The following EXOC4 variants were observed in gnomAD, a reference collection of about 807,000 sequenced individuals.
EXOC4 encodes SEC8-like 1.
EXOC4 carries 71 observed loss-of-function variants against 107.2 expected under a neutral mutation model. The observed-to-expected ratio is 0.66, with a 90% confidence interval of 0.55 to 0.81. EXOC4 has a LOEUF of 0.81. Ranked by LOEUF, EXOC4 falls within the 30% of genes least tolerant of loss-of-function variation. The pLI is 0.00. For missense variants in EXOC4, 1,108 were observed against 1,189.6 expected (o/e 0.93, Z 1.01); for synonymous variants, 456 against 441.2 (o/e 1.03, Z -0.42).
At chr7:133,408,107 A>G (rs1012836807) in intron 7 of EXOC4, among the ~76,000 whole-genome samples, 1 of 151,822 alleles carries the variant, frequency 6.6e-6, no homozygotes, top group Non-Finnish European at 1.5e-5. Flanking sequence ...GACGGTAGCC[A>G]TGGTAGAGAT....
intron 7 of EXOC4, among the ~76,000 whole-genome samples, chr7:133,378,708 G>A (rs1398514039): frequency 1.3e-5 from 2 of 151,966 alleles, no homozygotes; most frequent in African/African-American, 4.8e-5. Flanking sequence ...AGATAGATAC[G>A]TAGCTGAGAA....
In EXOC4 at chr7:133,997,560, A is replaced by ACT. The variant is rs1393750857; in HGVS notation, c.2279_2280dup (p.Glu762ValfsTer22). On this transcript the variant is annotated frameshift_variant, in exon 15 of 18. Coordinates refer to ENST00000253861, the MANE Select transcript of EXOC4 (RefSeq NM_021807.4). LOFTEE classifies it high-confidence loss of function. Reference sequence around the variant, plus strand: ...CCCAGTGTCAGAGCAGATCATGCAGACTCTCAGTGAACTTGCCAAATCGTT... The same window carrying ACT: ...CCCAGTGTCAGAGCAGATCATGCAGACTCTCTCAGTGAACTTGCCAAATCGTT... The ACT allele has an allele frequency of 6.2e-7, 1 of 1,613,594 alleles. No homozygotes were observed. Among genetic ancestry groups the ACT allele is most frequent in the Admixed American group, 1.7e-5 (1 of 59,928 alleles).
chr7:134,077,843 C>T, the EXOC4 span, among the ~76,000 whole-genome samples: 1 of 152,234 alleles, frequency 6.6e-6, no homozygotes, highest in Non-Finnish European at 1.5e-5. Context: ...CTCCTCATGA[C>T]CTTCATTGTA....
rs936230818 is a variant in EXOC4, at chr7:134,047,699, G to A, written c.2688-16592G>A. On this transcript the variant is annotated intron_variant, in intron 17 of 17. Transcript: ENST00000253861. ...GTCGTGTCCATCACAAGGAGGTTTT[G>A]TGACCTTCTCTGACCCTTTATTTAT... Among the ~76,000 whole-genome samples, 81 of 141,202 alleles carry A rather than the reference G, an allele frequency of 5.7e-4. 1 individual carries two copies. Among genetic ancestry groups the A allele is most frequent in the African/African-American group, 2.0e-3 (79 of 39,048 alleles). 92.6% of individuals were successfully genotyped at this position (141,202 alleles called of 152,430 possible).
intron 1 of EXOC4, among the ~76,000 whole-genome samples, chr7:133,270,454 T>C (rs1187230743): frequency 6.6e-6 from 1 of 152,160 alleles, no homozygotes; most frequent in African/African-American, 2.4e-5. Flanking sequence ...GATGGTGGGC[T>C]GCTGGAAGTC....
intron 10 of EXOC4, among the ~76,000 whole-genome samples, chr7:133,736,395 C>T (rs1004038639): frequency 6.6e-6 from 1 of 152,156 alleles, no homozygotes; most frequent in South Asian, 2.1e-4. Flanking sequence ...TCCTTTGTTT[C>T]CATCCTGAAA....
At chr7:133,503,550 T>C (rs947110178) in intron 9 of EXOC4, among the ~76,000 whole-genome samples, 7 of 152,128 alleles carry the variant, frequency 4.6e-5, no homozygotes, top group African/African-American at 1.7e-4. Flanking sequence ...AGTTTAATCT[T>C]GGGGAAAAAG....
chr7:134,037,395 G>T (rs1427258857), intron 17 of EXOC4, among the ~76,000 whole-genome samples: 2 of 152,188 alleles, frequency 1.3e-5, no homozygotes, highest in East Asian at 3.8e-4. Flanking sequence ...CAAAAAGCAT[G>T]AGATGATGGG....
intron 1 of EXOC4, among the ~76,000 whole-genome samples, chr7:133,255,302 G>T (rs866460595): frequency 6.6e-6 from 1 of 151,758 alleles, no homozygotes; most frequent in Non-Finnish European, 1.5e-5. Context: ...TCAGCTTCCC[G>T]CATAGCTGGG....
At chr7:133,449,458 G>GT (rs1396646828) in intron 7 of EXOC4, among the ~76,000 whole-genome samples, 1 of 152,100 alleles carries the variant, frequency 6.6e-6, no homozygotes, top group Non-Finnish European at 1.5e-5. Flanking sequence ...ACTGTCTCAA[G>GT]TTTTTTTCTG....
chr7:133,963,480 G>A (rs937392513), intron 14 of EXOC4, among the ~76,000 whole-genome samples: 2 of 152,166 alleles, frequency 1.3e-5, no homozygotes, highest in African/African-American at 4.8e-5. Flanking sequence ...CAAAAGAAAC[G>A]CCAACACCTG....
intron 4 of EXOC4, among the ~76,000 whole-genome samples, chr7:133,315,644 T>C (rs1359938060): frequency 1.3e-5 from 2 of 152,178 alleles, no homozygotes; most frequent in Non-Finnish European, 2.9e-5. Flanking sequence ...TATGAAAAGT[T>C]ATTGGATTTG....
intron 13 of EXOC4, among the ~76,000 whole-genome samples, chr7:133,925,808 C>G (rs954748216): frequency 2.6e-5 from 4 of 151,846 alleles, no homozygotes; most frequent in Non-Finnish European, 5.9e-5. Flanking sequence ...GAAGCCGAGG[C>G]GAGTGGATCA....
chr7:133,565,771 T>A (rs1800895067), intron 9 of EXOC4, among the ~76,000 whole-genome samples: 2 of 152,182 alleles, frequency 1.3e-5, no homozygotes, highest in African/African-American at 4.8e-5. Context: ...TCTGGAAAAC[T>A]GAGTCTAGGG....
At chr7:133,828,478 C>T (rs943909412) in intron 11 of EXOC4, among the ~76,000 whole-genome samples, 2 of 152,064 alleles carry the variant, frequency 1.3e-5, no homozygotes, top group Non-Finnish European at 2.9e-5. Context: ...CAGTTTTTGC[C>T]CTATGTGGAT....
intron 9 of EXOC4, among the ~76,000 whole-genome samples, chr7:133,605,625 G>T (rs1212679958): frequency 6.6e-6 from 1 of 152,186 alleles, no homozygotes; most frequent in African/African-American, 2.4e-5. Flanking sequence ...GCAAGCTGGG[G>T]ATTGCAGGTG....
intron 10 of EXOC4, among the ~76,000 whole-genome samples, chr7:133,787,964 TATATATATATA>T (rs1562997633): frequency 2.6e-3 from 24 of 9,242 alleles, no homozygotes; most frequent in South Asian, 6.9e-3. Flanking sequence ...TTTATATATT[TATATATATATA>T]TATATATATA....
At chr7:133,366,800 A>G (rs1014793813) in intron 6 of EXOC4, among the ~76,000 whole-genome samples, 1 of 152,210 alleles carries the variant, frequency 6.6e-6, no homozygotes, top group Non-Finnish European at 1.5e-5. Context: ...ACAGTAATAA[A>G]TCAGAAACTC....
chr7:133,318,489 C>T (rs1302313479), intron 5 of EXOC4, among the ~76,000 whole-genome samples: 6 of 152,050 alleles, frequency 3.9e-5, no homozygotes, highest in Non-Finnish European at 5.9e-5. Context: ...CTTGTGGCAG[C>T]CAAAATCTTC....
Sources: allele counts gnomAD v4.1 joint callset (sites outside exome capture counted in the v4.1 genomes callset), GRCh38; gene constraint gnomAD v4.1.1; transcripts MANE v1.5; gene names NCBI Gene and HGNC (gene_info 2026-07-23, HGNC 2026-07-21).